Variants in SEMA3A observed in about 807,000 individuals in gnomAD.
SEMA3A encodes the protein semaphorin 3A, also known as semaphorin-3A.
Under a neutral mutation model 97.9 loss-of-function variants are expected in SEMA3A, and 29 were observed. That is an observed-to-expected ratio of 0.30 (90% CI 0.22 to 0.40). SEMA3A has a LOEUF of 0.40. SEMA3A is among the 10% of genes least tolerant of loss of function. SEMA3A has a pLI of 1.00. For missense variants in SEMA3A, 763 were observed against 951.3 expected (o/e 0.80, Z 2.60); for synonymous variants, 321 against 323.7 (o/e 0.99, Z 0.09).
chr7:83,977,791 T>C (rs1234100669), intron 14 of SEMA3A, among the ~76,000 whole-genome samples: 2 of 150,998 alleles, frequency 1.3e-5, no homozygotes, highest in African/African-American at 4.9e-5. Context: ...ACCTATCCTT[T>C]TTTTTTTTCT....
In SEMA3A at chr7:83,963,235, G is replaced by A. The variant is rs748023013; in HGVS notation, c.1830C>T (p.Phe610=). The A allele has an allele frequency of 1.2e-6, 2 of 1,613,392 alleles. No individual in the cohort carries two copies. The highest frequency in any genetic ancestry group is 1.3e-5 in the African/African-American group (1 of 75,016). Residue 610 remains phenylalanine, a synonymous_variant, in exon 16 of 17, where the codon TTC becomes TTT. Transcript: ENST00000265362. The part of the protein sequence containing the change: ...KSQRALVYWQ[F]QRRNEERKEE... Reference sequence around the variant, plus strand: ...CTTTTCGCTCTTCATTTCGCCTCTGGAATTGCCAATAGACCAGCGCTCTCT... The same window carrying A: ...CTTTTCGCTCTTCATTTCGCCTCTGAAATTGCCAATAGACCAGCGCTCTCT...
intron 1 of SEMA3A, among the ~76,000 whole-genome samples, chr7:84,440,340 C>T (rs1180229703): frequency 2.6e-5 from 4 of 152,134 alleles, no homozygotes; most frequent in African/African-American, 9.7e-5. Flanking sequence ...AAGCAGCTGT[C>T]CACATGTTCC....
At chr7:84,028,636 A>G (rs1329284383) in intron 6 of SEMA3A, among the ~76,000 whole-genome samples, 5 of 152,036 alleles carry the variant, frequency 3.3e-5, no homozygotes, top group Non-Finnish European at 5.9e-5. Flanking sequence ...ATGGAGTCTC[A>G]CTCTGTTGAC....
chr7:84,213,988 T>C (rs553072149), intron 3 of SEMA3A, among the ~76,000 whole-genome samples: 1 of 152,312 alleles, frequency 6.6e-6, no homozygotes, highest in East Asian at 1.9e-4. Context: ...GAAGAGAATA[T>C]GATAGTTATG....
At chr7:84,408,722 T>G (rs201979528) in intron 1 of SEMA3A, among the ~76,000 whole-genome samples, 5 of 146,326 alleles carry the variant, frequency 3.4e-5, no homozygotes, top group African/African-American at 1.3e-4. Context: ...CATAAAAAAA[T>G]GATGAGTTCA....
chr7:84,091,733 A>G (rs2115855069), intron 4 of SEMA3A, among the ~76,000 whole-genome samples: 1 of 152,314 alleles, frequency 6.6e-6, no homozygotes, highest in South Asian at 2.1e-4. Context: ...GACTATCTTC[A>G]TGCTTTTCTC....
At chr7:84,328,943 T>C (rs1801838733) in intron 2 of SEMA3A, among the ~76,000 whole-genome samples, 1 of 152,044 alleles carries the variant, frequency 6.6e-6, no homozygotes, top group Non-Finnish European at 1.5e-5. Flanking sequence ...GAGGTCATTT[T>C]CAACCTGGAA....
At position 84,110,473 on chromosome 7, in the gene SEMA3A, A is replaced by G; in HGVS notation, c.450T>C (p.Pro150=). The G allele has an allele frequency of 6.2e-7, 1 of 1,613,868 alleles. No homozygotes were observed. The highest frequency in any genetic ancestry group is 8.5e-7 in the Non-Finnish European group (1 of 1,179,818). ...ICTYIEIGHH[P]EDNIFKLENS... Reference sequence around the variant, plus strand: ...ATTTTTAAAAAGCCAGCGTTACCTCAGGATGATGTCCAATTTCAATGTAGG... The same window carrying G: ...ATTTTTAAAAAGCCAGCGTTACCTCGGGATGATGTCCAATTTCAATGTAGG... The change falls in exon 4 of 17, where the codon CCT becomes CCC. Residue 150 remains proline (P), a synonymous_variant. Coordinates refer to ENST00000265362, the MANE Select transcript of SEMA3A (RefSeq NM_006080.3).
intron 1 of SEMA3A, among the ~76,000 whole-genome samples, chr7:84,469,296 T>A (rs1654337180): frequency 6.6e-6 from 1 of 152,180 alleles, no homozygotes; most frequent in South Asian, 2.1e-4. Context: ...AAAGAATGTT[T>A]TTAGTCATGG....
intron 11 of SEMA3A, 44 bp from the exon 12 acceptor site, chr7:84,002,090 G>T: frequency 9.0e-7 from 1 of 1,108,740 alleles, no homozygotes; most frequent in Non-Finnish European, 1.4e-6. Flanking sequence ...AAGTAGATCT[G>T]AACAGAGATT....
At chr7:84,093,629 A>C (rs1197191878) in intron 4 of SEMA3A, among the ~76,000 whole-genome samples, 1 of 152,182 alleles carries the variant, frequency 6.6e-6, no homozygotes, top group Non-Finnish European at 1.5e-5. Context: ...AAAAGGAATG[A>C]GGTCATGTTC....
intron 1 of SEMA3A, among the ~76,000 whole-genome samples, chr7:84,174,201 C>G (rs1479183508): frequency 6.6e-6 from 1 of 151,984 alleles, no homozygotes. Flanking sequence ...ATCCCAAAAC[C>G]GTTCCCCTCC....
chr7:84,328,254 T>C (rs893912943), intron 2 of SEMA3A, among the ~76,000 whole-genome samples: 59 of 151,990 alleles, frequency 3.9e-4, no homozygotes, highest in Non-Finnish European at 1.2e-4. Context: ...AAAAACCATT[T>C]TAGTGTTCTC....
chr7:84,047,057 T>C (rs892863116), intron 5 of SEMA3A, among the ~76,000 whole-genome samples: 1 of 152,056 alleles, frequency 6.6e-6, no homozygotes, highest in African/African-American at 2.4e-5. Flanking sequence ...TGTTATAAGC[T>C]ATCAACCAGT....
intron 3 of SEMA3A, among the ~76,000 whole-genome samples, chr7:84,250,953 C>A (rs994154044): frequency 1.3e-5 from 2 of 152,088 alleles, no homozygotes; most frequent in African/African-American, 4.8e-5. Flanking sequence ...ATGTCCAGCA[C>A]GCAGATAATC....
upstream of SEMA3A, among the ~76,000 whole-genome samples, chr7:84,195,823 C>T (rs1463346026): frequency 6.6e-6 from 1 of 152,134 alleles, no homozygotes; most frequent in Admixed American, 6.6e-5. Flanking sequence ...AAAGTCCCTG[C>T]TGAGTGTCAA....
At chr7:84,122,704 A>G (rs780899488) in intron 3 of SEMA3A, among the ~76,000 whole-genome samples, 2 of 152,198 alleles carry the variant, frequency 1.3e-5, no homozygotes, top group Non-Finnish European at 1.5e-5. Flanking sequence ...TTAAGGGTTG[A>G]CATAGGCATT....
At chr7:84,087,917 A>G (rs1794431227) in intron 4 of SEMA3A, among the ~76,000 whole-genome samples, 1 of 152,082 alleles carries the variant, frequency 6.6e-6, no homozygotes, top group Admixed American at 6.6e-5. Flanking sequence ...CATTTGCTGA[A>G]ATGATCCTAT....
chr7:84,044,781 G>T (rs1467258147), intron 6 of SEMA3A, among the ~76,000 whole-genome samples: 1 of 151,996 alleles, frequency 6.6e-6, no homozygotes, highest in Non-Finnish European at 1.5e-5. Context: ...GAACAGTTTT[G>T]CATGGGATAA....
Sources: allele counts gnomAD v4.1 joint callset (sites outside exome capture counted in the v4.1 genomes callset), GRCh38; gene constraint gnomAD v4.1.1; transcripts MANE v1.5; gene names NCBI Gene and HGNC (gene_info 2026-07-23, HGNC 2026-07-21).